GMDS: variants seen among roughly 807,000 people sequenced by gnomAD.
The protein encoded by GMDS is GDP-mannose 4,6-dehydratase, also known as GDP-mannose 4,6 dehydratase.
GMDS carries 20 observed loss-of-function variants against 49.9 expected under a neutral mutation model. The observed-to-expected ratio is 0.40, with a 90% CI of 0.28 to 0.58. The LOEUF (loss-of-function observed/expected upper bound fraction) is 0.58. Among genes scored for constraint, GMDS ranks in the 20% least tolerant of loss-of-function variants. The probability of loss-of-function intolerance (pLI) is 0.42; values close to 1 mark genes in which losing one functional copy is unlikely to be tolerated. For synonymous variants in GMDS, 177 were observed against 178.6 expected, an observed-to-expected ratio of 0.99 and a Z score of 0.07; for missense variants, 362 against 481.4, an observed-to-expected ratio of 0.75 and a Z score of 2.32.
chr6:2,216,635 G>A (rs1277802855), intron 1 of GMDS, among the ~76,000 whole-genome samples: 2 of 152,218 alleles, frequency 1.3e-5, no homozygotes, highest in Non-Finnish European at 2.9e-5. Context: ...TGAGACAGGA[G>A]GAGCACTTGA....
At chr6:2,090,797 A>G (rs746454828) in intron 4 of GMDS, among the ~76,000 whole-genome samples, 1 of 152,248 alleles carries the variant, frequency 6.6e-6, no homozygotes, top group Non-Finnish European at 1.5e-5. Context: ...AGAAGGATTT[A>G]GCTGAAGTTT....
Position 1,726,429 on chromosome 6 carries a change from C to T in GMDS, c.974G>A (p.Arg325Gln), listed in dbSNP as rs1334009704. 1.2e-6 allele frequency: 2 copies of T among 1,611,912 alleles called. No individual in the cohort carries two copies. Among genetic ancestry groups the T allele is most frequent in the Non-Finnish European group, 1.7e-6 (2 of 1,178,076 alleles). ...VHVTVDLKYY[R>Q]PTEVDFLQGD... The stretch of plus-strand genomic sequence containing the variant: ...GAGAGTCCTTACCACTTCAGTTGGC[C>T]GGTAGTACTTGAGATCCACAGTCAC... The change falls in exon 9 of 11, where the codon CGG (arginine) becomes CAG (glutamine). Residue 325 changes from arginine (R) to glutamine (Q), a missense_variant. By Grantham distance (43) the Arg-to-Gln change is conservative (BLOSUM62 1). Coordinates refer to ENST00000380815, the MANE Select transcript of GMDS (RefSeq NM_001500.4).
chr6:1,800,233 A>C (rs555397456), intron 7 of GMDS, among the ~76,000 whole-genome samples: 22 of 152,308 alleles, frequency 1.4e-4, no homozygotes, highest in African/African-American at 4.8e-4. Flanking sequence ...GGAAATAAAG[A>C]AGCTTCCGAT....
Position 1,624,558 on chromosome 6 carries a change from G to A in GMDS, c.988-18C>T, listed in dbSNP as rs754676895. The A allele has an allele frequency of 6.3e-7, 1 of 1,599,594 alleles. No individual in the cohort carries two copies. The highest frequency in any genetic ancestry group is 1.1e-5 in the South Asian group (1 of 90,676). On this transcript the variant is annotated intron_variant, in intron 9 of 10. Transcript: ENST00000380815. Reference sequence around the variant, plus strand: ...AGAAAGTCCTAGGGAAGAAGAGGGGGAGACGAAGCAGGCGTGGGTCGTGGG... The same window carrying A: ...AGAAAGTCCTAGGGAAGAAGAGGGGAAGACGAAGCAGGCGTGGGTCGTGGG...
At chr6:2,220,082 T>C (rs1451906070) in intron 1 of GMDS, among the ~76,000 whole-genome samples, 3 of 152,176 alleles carry the variant, frequency 2.0e-5, no homozygotes, top group Non-Finnish European at 4.4e-5. Flanking sequence ...CAATAAAACA[T>C]GAAATCCTGT....
chr6:1,897,056 A>C (rs1429993437), intron 7 of GMDS, among the ~76,000 whole-genome samples: 1 of 152,166 alleles, frequency 6.6e-6, no homozygotes, highest in African/African-American at 2.4e-5. Flanking sequence ...CAGCAGGTGA[A>C]CAAAGAGGTC....
At chr6:2,222,421 G>C (rs948548797) in intron 1 of GMDS, among the ~76,000 whole-genome samples, 4 of 152,100 alleles carry the variant, frequency 2.6e-5, no homozygotes, top group African/African-American at 9.7e-5. Flanking sequence ...CCGACCCTTT[G>C]GCCCAAATGT....
At chr6:2,018,149 T>C (rs1768023230) in intron 4 of GMDS, among the ~76,000 whole-genome samples, 2 of 152,190 alleles carry the variant, frequency 1.3e-5, no homozygotes, top group African/African-American at 4.8e-5. Context: ...AGAGTATTAA[T>C]TTGAACCTTC....
chr6:1,973,374 AAC>A (rs1211455981), intron 4 of GMDS, among the ~76,000 whole-genome samples: 3 of 152,218 alleles, frequency 2.0e-5, no homozygotes, highest in Non-Finnish European at 4.4e-5. Flanking sequence ...AAGATGAGTT[AAC>A]ATCCCCAAGC....
chr6:2,061,626 C>T (rs1307731035), intron 4 of GMDS, among the ~76,000 whole-genome samples: 1 of 138,978 alleles, frequency 7.2e-6, no homozygotes, highest in Admixed American at 8.2e-5. Context: ...GACAGAGGCA[C>T]AAGAAATGCT....
chr6:1,758,550 C>G lies in GMDS; in HGVS notation c.772-15964G>C, dbSNP rs111746725. Among the ~76,000 whole-genome samples, 621 of 152,310 alleles carry G rather than the reference C, an allele frequency of 4.1e-3. 2 individuals are homozygous for G. Among genetic ancestry groups the G allele is most frequent in the Non-Finnish European group, 6.7e-3 (454 of 68,038 alleles). On this transcript the variant is annotated intron_variant, in intron 7 of 10. Coordinates refer to ENST00000380815, the MANE Select transcript of GMDS (RefSeq NM_001500.4). ...GCGTGCATTAGAATCATCTGTCAGG[C>G]TAGAAGTGTGCACTGCAATCCTCTG...
chr6:2,206,648 A>G (rs1405589196), intron 1 of GMDS, among the ~76,000 whole-genome samples: 1 of 152,182 alleles, frequency 6.6e-6, no homozygotes, highest in Non-Finnish European at 1.5e-5. Flanking sequence ...AGTGGTTCTT[A>G]AACTTTAGGC....
chr6:2,062,840 T>G (rs1450640928), intron 4 of GMDS, among the ~76,000 whole-genome samples: 1 of 152,246 alleles, frequency 6.6e-6, no homozygotes, highest in Admixed American at 6.5e-5. Flanking sequence ...ACCTGTGATT[T>G]GGGACAAATT....
chr6:1,844,187 A>C (rs190507280), intron 7 of GMDS, among the ~76,000 whole-genome samples: 194 of 152,342 alleles, frequency 1.3e-3, no homozygotes, highest in Admixed American at 3.8e-3. Flanking sequence ...TTGGTTGAAT[A>C]GCAGAGCTGG....
chr6:2,005,685 C>T (rs1437129978), intron 4 of GMDS, among the ~76,000 whole-genome samples: 1 of 152,120 alleles, frequency 6.6e-6, no homozygotes, highest in Admixed American at 6.6e-5. Context: ...GTGTGTTCGA[C>T]CTCAAAGAGA....
chr6:1,774,738 C>CA lies in GMDS; in HGVS notation c.772-32153dup, dbSNP rs1435299873. Among the ~76,000 whole-genome samples the CA allele has an allele frequency of 5.9e-5, 9 of 152,242 alleles. No individual in the cohort carries two copies. In the East Asian group the frequency reaches 1.7e-3, roughly 29 times the overall value. ...CGACTTCACCTAAAGGAACAGCTTC[C>CA]AAAACTCTCCTCTGTGGTTATAAAG... On this transcript the variant is annotated intron_variant, in intron 7 of 10. Coordinates refer to ENST00000380815, the MANE Select transcript of GMDS (RefSeq NM_001500.4).
intron 4 of GMDS, among the ~76,000 whole-genome samples, chr6:2,003,123 C>T (rs996368761): frequency 2.0e-5 from 3 of 152,028 alleles, no homozygotes; most frequent in Non-Finnish European, 4.4e-5. Context: ...AAAAGAGTGT[C>T]AGAGTGAAAA....
intron 4 of GMDS, among the ~76,000 whole-genome samples, chr6:2,077,733 C>A (rs902777186): frequency 1.3e-5 from 2 of 151,976 alleles, no homozygotes; most frequent in Non-Finnish European, 2.9e-5. Flanking sequence ...GAATAATGAC[C>A]TGTACTTTTC....
chr6:2,032,125 A>G (rs902979292), intron 4 of GMDS, among the ~76,000 whole-genome samples: 1 of 152,206 alleles, frequency 6.6e-6, no homozygotes, highest in East Asian at 1.9e-4. Flanking sequence ...CCAGCAAAAG[A>G]TAGTATCCAG....
Sources: gnomAD v4.1 joint callset for allele counts (sites outside exome capture counted in the v4.1 genomes callset) on GRCh38, gnomAD v4.1.1 for gene constraint, MANE v1.5 for transcripts, NCBI Gene and HGNC (gene_info 2026-07-23, HGNC 2026-07-21) for gene names.